Variants in CIB4 observed in about 807,000 individuals in gnomAD.
CIB4 encodes calcium and integrin-binding family member 4.
In CIB4, 25 loss-of-function variants were observed where a neutral mutation model predicts 25.8. The ratio of observed to expected loss-of-function variants is 0.97; its 90% CI spans 0.71 to 1.35. The LOEUF (loss-of-function observed/expected upper bound fraction) is 1.35, where lower values mean the gene tolerates loss of function less well. CIB4 is among the 40% of genes most tolerant of loss of function. The probability of loss-of-function intolerance (pLI) is 0.00; values close to 1 mark genes in which losing one functional copy is unlikely to be tolerated. For missense variants in CIB4, 235 were observed against 228.2 expected, an observed-to-expected ratio of 1.03 and a Z score of -0.19; for synonymous variants, 75 against 81.4, an observed-to-expected ratio of 0.92 and a Z score of 0.42.
At chr2:26,640,251 G>A (rs1669609895) in intron 2 of CIB4, among the ~76,000 whole-genome samples, 1 of 152,246 alleles carries the variant, frequency 6.6e-6, no homozygotes, top group Admixed American at 6.5e-5. Flanking sequence ...TTCCAAAGAG[G>A]TTCTGTCCAG....
intron 2 of CIB4, among the ~76,000 whole-genome samples, chr2:26,632,682 C>G (rs373109113): frequency 3.3e-5 from 5 of 150,972 alleles, no homozygotes; most frequent in Non-Finnish European, 5.9e-5. Flanking sequence ...CGCTTGAACT[C>G]GGGAGGTAGA....
intron 3 of CIB4, among the ~76,000 whole-genome samples, chr2:26,615,687 G>T (rs921803123): frequency 6.6e-6 from 1 of 152,250 alleles, no homozygotes; most frequent in African/African-American, 2.4e-5. Flanking sequence ...TGAGAAGGGT[G>T]GTGCCAAGCC....
rs1268417442 is a variant in CIB4, at chr2:26,594,888, G to T, written c.328+288C>A. On this transcript the variant is annotated intron_variant, in intron 4 of 6. Coordinates refer to ENST00000288861, the MANE Select transcript of CIB4 (RefSeq NM_001029881.3). ...GCATAAATCCTTTACATGCATATGT[G>T]ATTCTCTCTCTCTCTCGCCTGCCCA... 2.0e-5 allele frequency among the ~76,000 whole-genome samples: 3 copies of T among 152,104 alleles called. No individual in the cohort carries two copies. The East Asian group carries it at 5.8e-4, about 29-fold the overall frequency.
At chr2:26,583,680 T>A in intron 5 of CIB4, 109 bp downstream of exon 5, 1 of 737,426 alleles carries the variant, frequency 1.4e-6, no homozygotes, top group South Asian at 1.5e-5. Context: ...TGCCTCAGGC[T>A]GGCCCTGGGT....
intron 3 of CIB4, among the ~76,000 whole-genome samples, chr2:26,609,586 C>T (rs1668957519): frequency 6.6e-6 from 1 of 152,096 alleles, no homozygotes; most frequent in Admixed American, 6.6e-5. Flanking sequence ...CTCACTCCCA[C>T]CCCAGACAAA....
At chr2:26,630,812 G>A (rs1227861608) in intron 2 of CIB4, among the ~76,000 whole-genome samples, 1 of 152,006 alleles carries the variant, frequency 6.6e-6, no homozygotes, top group Non-Finnish European at 1.5e-5. Flanking sequence ...GTGTTACCCG[G>A]GGCCTCAGAG....
At chr2:26,617,041 G>A (rs144851326) in intron 3 of CIB4, among the ~76,000 whole-genome samples, 1 of 152,088 alleles carries the variant, frequency 6.6e-6, no homozygotes, top group Non-Finnish European at 1.5e-5. Context: ...CTCCCCCACT[G>A]CTCTACCCAT....
At chr2:26,629,563 G>C (rs1370078877) in intron 2 of CIB4, 57 bp from the exon 3 acceptor site, 7 of 1,229,068 alleles carry the variant, frequency 5.7e-6, no homozygotes, top group Non-Finnish European at 8.2e-6. Flanking sequence ...GCACTGTGTG[G>C]CCGGGGAAAG....
At chr2:26,637,711 T>G (rs775084136) in intron 2 of CIB4, among the ~76,000 whole-genome samples, 5 of 152,148 alleles carry the variant, frequency 3.3e-5, no homozygotes, top group Admixed American at 6.5e-5. Flanking sequence ...ACTGGGACAT[T>G]TCAGCATCTC....
At chr2:26,607,290 T>G (rs1466468106) in intron 3 of CIB4, among the ~76,000 whole-genome samples, 1 of 152,144 alleles carries the variant, frequency 6.6e-6, no homozygotes, top group East Asian at 1.9e-4. Context: ...TTGACTATAT[T>G]TATACAATCT....
chr2:26,589,915 G>A (rs561195433), intron 4 of CIB4, among the ~76,000 whole-genome samples: 1 of 152,266 alleles, frequency 6.6e-6, no homozygotes, highest in South Asian at 2.1e-4. Flanking sequence ...ATGAAGATGA[G>A]ATGTCTTTGG....
chr2:26,640,588 G>T (rs1484013696), intron 1 of CIB4, 21 bp from the exon 2 acceptor site: 1 of 1,609,876 alleles, frequency 6.2e-7, no homozygotes. Context: ...TCACAGAGAA[G>T]CGACGTGTCC....
At chr2:26,595,578 C>A (rs544285949) in intron 3 of CIB4, among the ~76,000 whole-genome samples, 1 of 152,334 alleles carries the variant, frequency 6.6e-6, no homozygotes, top group African/African-American at 2.4e-5. Context: ...GGTTATAATG[C>A]AAATGCAAAT....
chr2:26,599,409 T>C (rs1437938732), intron 3 of CIB4, among the ~76,000 whole-genome samples: 1 of 152,224 alleles, frequency 6.6e-6, no homozygotes, highest in Admixed American at 6.5e-5. Context: ...TTTAAAGATC[T>C]TCTTAAAGTT....
chr2:26,634,725 G>A (rs968227307), intron 2 of CIB4, among the ~76,000 whole-genome samples: 7 of 152,212 alleles, frequency 4.6e-5, no homozygotes, highest in Non-Finnish European at 7.3e-5. Context: ...TGAGGTGCCC[G>A]TTAATGGCCA....
intron 3 of CIB4, among the ~76,000 whole-genome samples, chr2:26,623,885 T>C (rs1046299389): frequency 6.6e-6 from 1 of 152,212 alleles, no homozygotes; most frequent in Non-Finnish European, 1.5e-5. Context: ...AGTCACACCA[T>C]GCCACACTCA....
intron 2 of CIB4, among the ~76,000 whole-genome samples, chr2:26,630,969 C>A (rs1450028131): frequency 1.3e-5 from 2 of 152,140 alleles, no homozygotes; most frequent in Non-Finnish European, 2.9e-5. Flanking sequence ...TCTTCATGGT[C>A]CCCTCCATGC....
intron 3 of CIB4, 57 bp downstream of exon 3, chr2:26,629,353 G>C: frequency 5.1e-6 from 5 of 989,366 alleles, no homozygotes; most frequent in East Asian, 2.7e-5. Context: ...GCACCCATCA[G>C]CCCATCAGCA....
intron 6 of CIB4, among the ~76,000 whole-genome samples, chr2:26,581,601 C>T (rs1668345132): frequency 6.6e-6 from 1 of 152,142 alleles, no homozygotes; most frequent in Admixed American, 6.5e-5. Context: ...AGGCAGGGCA[C>T]CAGAAGGAAC....
Sources: allele counts gnomAD v4.1 joint callset (sites outside exome capture counted in the v4.1 genomes callset), GRCh38; gene constraint gnomAD v4.1.1; transcripts MANE v1.5; gene names NCBI Gene and HGNC (gene_info 2026-07-23, HGNC 2026-07-21).